The following RHOG variants were observed in gnomAD, a reference collection of about 807,000 sequenced individuals.
The protein encoded by RHOG is ras homolog family member G.
In RHOG, 1 loss-of-function variant was observed where a neutral mutation model predicts 12.3. That is an observed-to-expected ratio of 0.08 (90% CI 0.03 to 0.39). The LOEUF (loss-of-function observed/expected upper bound fraction) is 0.39, where lower values mean the gene tolerates loss of function less well. RHOG is among the 10% of genes least tolerant of loss of function. The pLI is 0.99. For missense variants in RHOG, 114 were observed against 266.2 expected (o/e 0.43, Z 3.98); for synonymous variants, 129 against 116.0 (o/e 1.11, Z -0.72).
At chr11:3,831,426 G>A (rs1408924113) in intron 1 of RHOG, among the ~76,000 whole-genome samples, 1 of 150,802 alleles carries the variant, frequency 6.6e-6, no homozygotes, top group Admixed American at 6.6e-5. Context: ...GTGTGTGTGT[G>A]TTTGTGCGCG....
chr11:3,832,724 G>A (rs886854970), intron 1 of RHOG, among the ~76,000 whole-genome samples: 16 of 152,136 alleles, frequency 1.1e-4, no homozygotes, highest in Admixed American at 6.5e-5. Context: ...AAATCCTCTG[G>A]CCTGAACTGG....
intron 1 of RHOG, among the ~76,000 whole-genome samples, chr11:3,836,961 C>G (rs1019096007): frequency 5.6e-5 from 8 of 143,904 alleles, no homozygotes; most frequent in African/African-American, 2.1e-4. Context: ...ACAGCTCTGG[C>G]TGGGGGAGCC....
chr11:3,827,528 G>T lies in RHOG; in HGVS notation c.*35C>A. On this transcript the variant is annotated 3_prime_UTR_variant, in exon 2 of 2. Transcript: ENST00000351018. This position sits in a 1 kb window ranked among gnomAD's most constrained non-coding sequence, Gnocchi z 7.3. Reference sequence around the variant, plus strand: ...GGCACCAAGGCACAACTGGTGGGGGGAGGGCAGGGGCAGCCTCCAAGCCAA... The same window carrying T: ...GGCACCAAGGCACAACTGGTGGGGGTAGGGCAGGGGCAGCCTCCAAGCCAA... The T allele has an allele frequency of 6.5e-7, 1 of 1,542,986 alleles. No individual in the cohort carries two copies. The highest frequency in any genetic ancestry group is 1.1e-5 in the South Asian group (1 of 88,288).
chr11:3,836,473 A>G (rs948959949), intron 1 of RHOG, among the ~76,000 whole-genome samples: 4 of 152,098 alleles, frequency 2.6e-5, no homozygotes, highest in African/African-American at 9.7e-5. Flanking sequence ...GGAAAAGAGA[A>G]GAGTTGATGC....
intron 1 of RHOG, among the ~76,000 whole-genome samples, chr11:3,831,396 T>C (rs1018930099): frequency 6.6e-6 from 1 of 151,304 alleles, no homozygotes; most frequent in Non-Finnish European, 1.5e-5. Context: ...TCCATCCTAT[T>C]TGCATGAATG....
chr11:3,828,647 A>C (rs1039590105), intron 1 of RHOG, among the ~76,000 whole-genome samples: 2 of 130,354 alleles, frequency 1.5e-5, no homozygotes, highest in Admixed American at 1.6e-4. Context: ...TTTTTGAGAC[A>C]GAGTCTCACT....
At position 3,828,697 on chromosome 11, in the gene RHOG, T is replaced by G. The variant is rs139471453; in HGVS notation, c.-68-491A>C. Among the ~76,000 whole-genome samples the G allele has an allele frequency of 2.6e-4, 38 of 148,968 alleles. No individual in the cohort carries two copies. The South Asian group carries it at 3.0e-3, about 12-fold the overall frequency. ...GGAGTGCAGTGGCGTCATCTCGGCTTACTGCAAGCTCCGCCTCCTGGGTTC... is the reference window on the plus strand; with the variant it reads ...GGAGTGCAGTGGCGTCATCTCGGCTGACTGCAAGCTCCGCCTCCTGGGTTC... On this transcript the variant is annotated intron_variant, in intron 1 of 1. Transcript: ENST00000351018.
At chr11:3,840,678 C>T (rs1340970751) in intron 1 of RHOG, 1 of 152,510 alleles carries the variant, frequency 6.6e-6, no homozygotes, top group Non-Finnish European at 1.5e-5. Context: ...GCGGTACAGC[C>T]GCCGGGAAGC....
At chr11:3,839,588 C>T (rs973870448) in intron 1 of RHOG, among the ~76,000 whole-genome samples, 12 of 131,248 alleles carry the variant, frequency 9.1e-5, no homozygotes, top group South Asian at 5.3e-4. Context: ...CACGCGCGTG[C>T]GAACACACAC....
chr11:3,829,561 T>G (rs192063566), intron 1 of RHOG, among the ~76,000 whole-genome samples: 23 of 151,634 alleles, frequency 1.5e-4, no homozygotes. Flanking sequence ...ACCCCATCAT[T>G]CTTGTAAGTA....
At position 3,827,935 on chromosome 11, in the gene RHOG, A is replaced by C. The variant is rs1291821245; in HGVS notation, c.204T>G (p.Arg68=). The part of the protein sequence containing the change: ...TAGQEEYDRL[R]TLSYPQTNVF... ...CGTTGGTCTGAGGGTAGGAGAGTGT[A>C]CGGAGGCGGTCATACTCCTCCTGGC... The change falls in exon 2 of 2, where the codon CGT becomes CGG. Residue 68 remains arginine (R), a synonymous_variant. Transcript: ENST00000351018. This position sits in a 1 kb window ranked among gnomAD's most constrained non-coding sequence, Gnocchi z 7.3. The C allele has an allele frequency of 6.2e-7, 1 of 1,614,134 alleles. No homozygotes were observed. Among genetic ancestry groups the C allele is most frequent in the African/African-American group, 1.3e-5 (1 of 74,948 alleles).
At chr11:3,839,154 T>C (rs2090173850) in intron 1 of RHOG, among the ~76,000 whole-genome samples, 9 of 152,172 alleles carry the variant, frequency 5.9e-5, no homozygotes, top group Admixed American at 5.9e-4. Context: ...ACACCCAAGC[T>C]GGTCCCATTC....
intron 1 of RHOG, among the ~76,000 whole-genome samples, chr11:3,829,585 C>T (rs778268119): frequency 6.6e-6 from 1 of 151,944 alleles, no homozygotes; most frequent in Non-Finnish European, 1.5e-5. Context: ...AAAACCCTAT[C>T]TGGCCATGTA....
chr11:3,840,339 C>A (rs921272204), intron 1 of RHOG, among the ~76,000 whole-genome samples: 1 of 152,072 alleles, frequency 6.6e-6, no homozygotes, highest in African/African-American at 2.4e-5. Context: ...GCTCCCCCAC[C>A]CAACCCGGGT....
intron 1 of RHOG, among the ~76,000 whole-genome samples, chr11:3,839,723 A>G (rs1399887084): frequency 6.6e-6 from 1 of 152,158 alleles, no homozygotes; most frequent in Non-Finnish European, 1.5e-5. Flanking sequence ...GAACTCACTA[A>G]GTCTTCAACA....
chr11:3,829,274 A>C (rs1049361313), intron 1 of RHOG, among the ~76,000 whole-genome samples: 2 of 128,936 alleles, frequency 1.6e-5, no homozygotes, highest in African/African-American at 6.2e-5. Context: ...TTTTTTTGAG[A>C]TGGAGTCTCA....
intron 1 of RHOG, among the ~76,000 whole-genome samples, chr11:3,830,205 TA>T: frequency 6.6e-6 from 1 of 152,264 alleles, no homozygotes; most frequent in South Asian, 2.1e-4. Flanking sequence ...ATACCATCAT[TA>T]AGAACATAGA....
chr11:3,828,870 T>G (rs189861087), intron 1 of RHOG, among the ~76,000 whole-genome samples: 2 of 152,002 alleles, frequency 1.3e-5, no homozygotes, highest in Non-Finnish European at 2.9e-5. Flanking sequence ...TCCGCCCGCC[T>G]TGGCCTCCTA....
At chr11:3,835,688 G>A (rs958871614) in intron 1 of RHOG, among the ~76,000 whole-genome samples, 1 of 152,224 alleles carries the variant, frequency 6.6e-6, no homozygotes, top group African/African-American at 2.4e-5. Context: ...GGTGAGAGGT[G>A]AAGCTGGCAG....
Sources: allele counts gnomAD v4.1 joint callset (sites outside exome capture counted in the v4.1 genomes callset), GRCh38; gene constraint gnomAD v4.1.1; non-coding constraint Gnocchi (gnomAD v3.1); transcripts MANE v1.5; gene names NCBI Gene and HGNC (gene_info 2026-07-23, HGNC 2026-07-21).